Variants in LHFPL2 observed in about 807,000 individuals in gnomAD.
LHFPL2 encodes the protein LHFPL tetraspan subfamily member 2 protein.
In LHFPL2, 7 loss-of-function variants were observed where a neutral mutation model predicts 17.5. The observed-to-expected ratio is 0.40, with a 90% CI of 0.23 to 0.75. LHFPL2 has a LOEUF of 0.75. Ranked by LOEUF, LHFPL2 falls within the 30% of genes least tolerant of loss-of-function variation. LHFPL2 has a pLI of 0.37. For missense variants in LHFPL2, 241 were observed against 294.8 expected, an observed-to-expected ratio of 0.82 and a Z score of 1.34; for synonymous variants, 134 against 116.2, an observed-to-expected ratio of 1.15 and a Z score of -0.99.
At chr5:78,574,259 G>A (rs1357715707) in intron 2 of LHFPL2, among the ~76,000 whole-genome samples, 1 of 152,216 alleles carries the variant, frequency 6.6e-6, no homozygotes, top group Admixed American at 6.5e-5. Flanking sequence ...AAAGACGTGG[G>A]GAGGGTGCCC....
chr5:78,572,272 T>C (rs1376676620), intron 2 of LHFPL2, among the ~76,000 whole-genome samples: 1 of 152,020 alleles, frequency 6.6e-6, no homozygotes, highest in Non-Finnish European at 1.5e-5. Flanking sequence ...GTGAAGTAAT[T>C]AAGGAAAGAG....
chr5:78,571,253 G>A (rs1054480191), intron 2 of LHFPL2, among the ~76,000 whole-genome samples: 22 of 152,072 alleles, frequency 1.4e-4, no homozygotes, highest in African/African-American at 5.1e-4. Flanking sequence ...CCCTGAACTC[G>A]ATGCTGCATT....
intron 2 of LHFPL2, among the ~76,000 whole-genome samples, chr5:78,597,632 GTTTTTC>G (rs965481031): frequency 3.3e-5 from 5 of 151,762 alleles, no homozygotes; most frequent in African/African-American, 1.2e-4. Context: ...TTCCTTCTTT[GTTTTTC>G]TTTTTAAGAT....
At chr5:78,570,648 ACG>A (rs200215657) in intron 2 of LHFPL2, among the ~76,000 whole-genome samples, 43 of 146,658 alleles carry the variant, frequency 2.9e-4, no homozygotes, top group African/African-American at 1.1e-3. Flanking sequence ...ATATATATAT[ACG>A]TATATATATA....
At chr5:78,573,608 A>T (rs982215916) in intron 2 of LHFPL2, among the ~76,000 whole-genome samples, 2 of 152,222 alleles carry the variant, frequency 1.3e-5, no homozygotes, top group Non-Finnish European at 2.9e-5. Context: ...CTGGTTAGGC[A>T]GAGGAGGAAG....
At chr5:78,490,451 T>G (rs1044412719) in intron 4 of LHFPL2, among the ~76,000 whole-genome samples, 1 of 152,066 alleles carries the variant, frequency 6.6e-6, no homozygotes, top group African/African-American at 2.4e-5. Context: ...TAAAACTTTC[T>G]TGGTAACAGA....
chr5:78,565,125 C>T (rs1196414758), intron 2 of LHFPL2, among the ~76,000 whole-genome samples: 1 of 152,130 alleles, frequency 6.6e-6, no homozygotes, highest in Non-Finnish European at 1.5e-5. Flanking sequence ...TGAACATGTA[C>T]CTAATTACAT....
At chr5:78,494,045 G>A (rs1049135176) in intron 4 of LHFPL2, among the ~76,000 whole-genome samples, 1 of 152,106 alleles carries the variant, frequency 6.6e-6, no homozygotes, top group African/African-American at 2.4e-5. Flanking sequence ...CTCTCCCTTT[G>A]CAGCTATTAA....
At chr5:78,591,489 G>A (rs774326045) in intron 2 of LHFPL2, among the ~76,000 whole-genome samples, 5 of 152,180 alleles carry the variant, frequency 3.3e-5, no homozygotes, top group Non-Finnish European at 5.9e-5. Context: ...ATTTGCCATT[G>A]CTTTTCAATG....
chr5:78,520,830 C>CT (rs1316920514), intron 3 of LHFPL2, among the ~76,000 whole-genome samples: 1 of 136,848 alleles, frequency 7.3e-6, no homozygotes, highest in African/African-American at 3.7e-5. Flanking sequence ...ACAAATGAGG[C>CT]CCCCCTGCCC....
At chr5:78,591,205 GA>G (rs1348341014) in intron 2 of LHFPL2, among the ~76,000 whole-genome samples, 1 of 152,088 alleles carries the variant, frequency 6.6e-6, no homozygotes, top group Admixed American at 6.5e-5. Context: ...TAAGTTTACA[GA>G]AAAAAATGAA....
At chr5:78,578,067 G>C (rs970086556) in intron 2 of LHFPL2, among the ~76,000 whole-genome samples, 3 of 152,174 alleles carry the variant, frequency 2.0e-5, no homozygotes, top group Admixed American at 1.3e-4. Context: ...GACAAGTACA[G>C]ATGTTGGCTT....
Position 78,580,316 on chromosome 5 carries a change from A to G in LHFPL2, c.-244-15445T>C, listed in dbSNP as rs901739010. ...AGGTTGCCTGTTCACACTGATGGTA[A>G]TTTCTTTTGCCGTGCAGAAGCTCTT... On this transcript the variant is annotated intron_variant, in intron 2 of 4. Transcript: ENST00000380345. 1.6e-4 allele frequency among the ~76,000 whole-genome samples: 25 copies of G among 152,030 alleles called. 1 individual carries two copies. Among genetic ancestry groups the G allele is most frequent in the Admixed American group, 7.9e-4 (12 of 15,256 alleles).
At chr5:78,540,760 G>A (rs1217013909) in intron 3 of LHFPL2, among the ~76,000 whole-genome samples, 1 of 152,186 alleles carries the variant, frequency 6.6e-6, no homozygotes, top group East Asian at 1.9e-4. Context: ...CCTCCTCCTT[G>A]GGGCAGACAA....
intron 4 of LHFPL2, among the ~76,000 whole-genome samples, 187 bp downstream of exon 4, chr5:78,509,597 A>G (rs1357103359): frequency 6.6e-6 from 1 of 151,980 alleles, no homozygotes; most frequent in Non-Finnish European, 1.5e-5. Flanking sequence ...GGGGTAAGAC[A>G]GGGGAAAGAG....
Position 78,645,591 on chromosome 5 carries a change from C to CAT in LHFPL2, c.-350+2906_-350+2907dup, listed in dbSNP as rs1554062311. Among the ~76,000 whole-genome samples the CAT allele has an allele frequency of 3.2e-3, 402 of 126,680 alleles. 3 individuals carry two copies. The highest frequency in any genetic ancestry group is 0.011 in the African/African-American group (382 of 33,222). The allele number at this position is 126,680 out of a possible 152,430, so 83.1% of individuals were successfully genotyped here. On this transcript the variant is annotated intron_variant, in intron 1 of 4. Coordinates refer to ENST00000380345, the MANE Select transcript of LHFPL2 (RefSeq NM_005779.3). ...ACACACACACACACACACACACACA[C>CAT]ATTTTTTTTGAGATAGCGTCTTGCT...
intron 2 of LHFPL2, among the ~76,000 whole-genome samples, chr5:78,577,814 T>TA (rs1757170247): frequency 1.3e-5 from 2 of 152,026 alleles, no homozygotes; most frequent in Non-Finnish European, 2.9e-5. Flanking sequence ...TTTTTTTTTT[T>TA]AGACTCCCCT....
intron 3 of LHFPL2, among the ~76,000 whole-genome samples, chr5:78,550,998 G>A (rs1756424499): frequency 6.6e-6 from 1 of 152,194 alleles, no homozygotes; most frequent in African/African-American, 2.4e-5. Flanking sequence ...CTAAACAATG[G>A]TGATTCACCA....
At chr5:78,582,861 G>A (rs945281937) in intron 2 of LHFPL2, among the ~76,000 whole-genome samples, 1 of 152,122 alleles carries the variant, frequency 6.6e-6, no homozygotes, top group Non-Finnish European at 1.5e-5. Flanking sequence ...CTGTCTCGTT[G>A]ATCTGTCCAA....
Sources: gnomAD v4.1 joint callset for allele counts (sites outside exome capture counted in the v4.1 genomes callset) on GRCh38, gnomAD v4.1.1 for gene constraint, MANE v1.5 for transcripts, NCBI Gene and HGNC (gene_info 2026-07-23, HGNC 2026-07-21) for gene names.